Variants in RCBTB1 observed in about 807,000 individuals in gnomAD.
RCBTB1 encodes the protein RCC1 and BTB domain containing protein 1, also known as RCC1 and BTB domain-containing protein 1.
Under a neutral mutation model 62.4 loss-of-function variants are expected in RCBTB1, and 46 were observed. That is an observed-to-expected ratio of 0.74 (90% confidence interval 0.58 to 0.94). RCBTB1 has a LOEUF of 0.94. RCBTB1 is among the 40% of genes least tolerant of loss of function. The pLI is 0.00. For synonymous variants in RCBTB1, 222 were observed against 245.8 expected, an observed-to-expected ratio of 0.90 and a Z score of 0.91; for missense variants, 565 against 654.9, an observed-to-expected ratio of 0.86 and a Z score of 1.50.
chr13:49,577,781 T>C (rs1963871226), intron 2 of RCBTB1, among the ~76,000 whole-genome samples: 1 of 152,216 alleles, frequency 6.6e-6, no homozygotes, highest in African/African-American at 2.4e-5. Context: ...TCATTTTAAG[T>C]AGCCTAAACA....
At chr13:49,534,485 G>T (rs1185329159) in intron 12 of RCBTB1, among the ~76,000 whole-genome samples, 1 of 151,902 alleles carries the variant, frequency 6.6e-6, no homozygotes, top group Non-Finnish European at 1.5e-5. Flanking sequence ...CTAACTCAAA[G>T]TACGACTCTT....
chr13:49,541,166 T>G (rs1594252154), intron 11 of RCBTB1, among the ~76,000 whole-genome samples, 160 bp from the exon 12 acceptor site: 2 of 152,188 alleles, frequency 1.3e-5, no homozygotes, highest in East Asian at 3.8e-4. Context: ...ACTGTCTGCC[T>G]CCTCCACTTC....
intron 8 of RCBTB1, chr13:49,550,021 A>C: frequency 6.6e-6 from 4 of 609,644 alleles, no homozygotes; most frequent in Non-Finnish European, 8.2e-6. Context: ...ACAGGATCTC[A>C]CTCCGTCACC....
At chr13:49,543,960 T>G (rs941085834) in intron 10 of RCBTB1, among the ~76,000 whole-genome samples, 9 of 152,214 alleles carry the variant, frequency 5.9e-5, no homozygotes, top group African/African-American at 2.2e-4. Flanking sequence ...GTCCTAGGAT[T>G]ACAGGCATGA....
chr13:49,583,386 A>ATGTGTGTGTG (rs6145049), intron 1 of RCBTB1, among the ~76,000 whole-genome samples: 25 of 149,938 alleles, frequency 1.7e-4, no homozygotes, highest in African/African-American at 6.1e-4. Context: ...GCTTTTGTGT[A>ATGTGTGTGTG]TGTGTGTGTG....
chr13:49,544,097 A>G (rs1208831801), intron 10 of RCBTB1, among the ~76,000 whole-genome samples: 1 of 152,234 alleles, frequency 6.6e-6, no homozygotes, highest in Admixed American at 6.5e-5. Context: ...ACACTTTTCA[A>G]TAACAACCTT....
At chr13:49,539,132 C>T (rs916348914) in intron 12 of RCBTB1, among the ~76,000 whole-genome samples, 14 of 151,772 alleles carry the variant, frequency 9.2e-5, no homozygotes, top group African/African-American at 3.4e-4. Flanking sequence ...TCCCAAAGTG[C>T]CGGGATTACA....
intron 5 of RCBTB1, among the ~76,000 whole-genome samples, chr13:49,557,922 T>C (rs1158801466): frequency 1.3e-5 from 2 of 152,190 alleles, no homozygotes; most frequent in African/African-American, 4.8e-5. Context: ...AATATGGTCA[T>C]TAAAATCAGA....
chr13:49,562,594 CAAA>C (rs1363246240), intron 4 of RCBTB1, among the ~76,000 whole-genome samples: 1 of 149,336 alleles, frequency 6.7e-6, no homozygotes, highest in Non-Finnish European at 1.5e-5. Context: ...AAGGAGAAAA[CAAA>C]GAAGAAAATT....
Position 49,551,250 on chromosome 13 carries a change from A to C in RCBTB1, c.854+76T>G, listed in dbSNP as rs537493249. 1.5e-4 allele frequency: 224 copies of C among 1,518,748 alleles called. No homozygotes were observed. In the East Asian group the frequency reaches 2.3e-3, roughly 16 times the overall value. The allele number at this position is 1,518,748 out of a possible 1,614,324, so 94.1% of individuals were successfully genotyped here. On this transcript the variant is annotated intron_variant, in intron 8 of 12. Transcript: ENST00000378302. ...ATAAACAGAAGAATCACAAAGCCAA[A>C]CACCACAGCTCTGCCACACACAGCC...
At chr13:49,552,873 C>T (rs372422690) in intron 6 of RCBTB1, among the ~76,000 whole-genome samples, 1 of 151,910 alleles carries the variant, frequency 6.6e-6, no homozygotes, top group Non-Finnish European at 1.5e-5. Flanking sequence ...GACACAACTG[C>T]GGTAGTGGTA....
Position 49,549,517 on chromosome 13 carries a change from G to C in RCBTB1, c.986C>G (p.Thr329Ser). The change falls in exon 9 of 13, where the codon ACC becomes AGC. Residue 329 changes from threonine (T) to serine (S), a missense_variant. Coordinates refer to ENST00000378302, the MANE Select transcript of RCBTB1 (RefSeq NM_018191.4). ...ILPHLTHFSC[T>S]DDVFACFATP... ...GGCAAAGCAGGCAAACACGTCGTCG[G>C]TGCAGGAGAAGTGGGTGAGGTGCGG... The C allele has an allele frequency of 1.2e-6, 2 of 1,614,012 alleles. No individual in the cohort carries two copies. The highest frequency in any genetic ancestry group is 1.7e-6 in the Non-Finnish European group (2 of 1,179,952).
Position 49,532,533 on chromosome 13 carries a change from T to C in RCBTB1, c.*1589A>G, listed in dbSNP as rs1223131972. ...TAGTAAGAAAAGTTCTATCATGTTG[T>C]AGAACGAATTCTAACCGACTAATTC... On this transcript the variant is annotated 3_prime_UTR_variant, in exon 13 of 13. Coordinates refer to ENST00000378302, the MANE Select transcript of RCBTB1 (RefSeq NM_018191.4). The C allele has an allele frequency of 6.6e-6, 1 of 152,604 alleles. No homozygotes were observed. The highest frequency in any genetic ancestry group is 1.5e-5 in the Non-Finnish European group (1 of 68,034). The allele number at this position is 152,604 out of a possible 1,614,324, so 9.5% of individuals were successfully genotyped here.
At chr13:49,550,524 C>T (rs1961240608) in intron 8 of RCBTB1, 1 of 450,970 alleles carries the variant, frequency 2.2e-6, no homozygotes, top group Non-Finnish European at 2.9e-6. Flanking sequence ...GCATCTATTC[C>T]AGTAACACAT....
intron 4 of RCBTB1, among the ~76,000 whole-genome samples, chr13:49,563,562 G>C (rs556233258): frequency 6.6e-6 from 1 of 152,086 alleles, no homozygotes; most frequent in Admixed American, 6.5e-5. Flanking sequence ...CGGAGGCTGA[G>C]GCATGAGAAT....
At position 49,534,092 on chromosome 13, in the gene RCBTB1, C is replaced by A. The variant is rs773253784; in HGVS notation, c.*30G>T. 2 of 1,606,738 alleles carry A rather than the reference C, an allele frequency of 1.2e-6. 1 individual carries two copies. Among genetic ancestry groups the A allele is most frequent in the South Asian group, 2.2e-5 (2 of 90,226 alleles). ...ACACATCCTCAACAGTGCCCCAGAG[C>A]ACTCACACAGAACCCAGCAGCCTTG... On this transcript the variant is annotated 3_prime_UTR_variant, in exon 13 of 13. Coordinates refer to ENST00000378302, the MANE Select transcript of RCBTB1 (RefSeq NM_018191.4).
chr13:49,577,339 A>G (rs1198402348), intron 2 of RCBTB1, among the ~76,000 whole-genome samples: 3 of 152,238 alleles, frequency 2.0e-5, no homozygotes, highest in African/African-American at 7.2e-5. Context: ...TAGCAAAAAT[A>G]TATTTCAACA....
In RCBTB1 at chr13:49,549,474, C is replaced by A. The variant is rs779516910; in HGVS notation, c.1029G>T (p.Trp343Cys). 1.2e-6 allele frequency: 2 copies of A among 1,610,656 alleles called. No homozygotes were observed. The highest frequency in any genetic ancestry group is 2.2e-5 in the South Asian group (2 of 90,910). Residue 343 changes from tryptophan (W) to cysteine (C), a missense_variant, in exon 9 of 13, where the codon TGG becomes TGT. Transcript: ENST00000378302. ...FACFATPAVS[W>C]RLLSVEHEDF... is the part of the protein sequence containing the mutation. The stretch of plus-strand genomic sequence containing the variant: ...CTTTCTTACCCACAGACAGGAGGCG[C>A]CACGAGACGGCGGGAGTGGCAAAGC...
chr13:49,565,346 G>C (rs2137306224), intron 4 of RCBTB1, among the ~76,000 whole-genome samples: 1 of 152,296 alleles, frequency 6.6e-6, no homozygotes, highest in Admixed American at 6.5e-5. Flanking sequence ...GAGTGCAGTG[G>C]TGTGATCTCG....
Sources: allele counts gnomAD v4.1 joint callset (sites outside exome capture counted in the v4.1 genomes callset), GRCh38; gene constraint gnomAD v4.1.1; transcripts MANE v1.5; gene names NCBI Gene and HGNC (gene_info 2026-07-23, HGNC 2026-07-21).